The following ARHGAP39 variants were observed in gnomAD, a reference collection of about 807,000 sequenced individuals.
ARHGAP39 encodes the protein rho GTPase-activating protein 39.
Under a neutral mutation model 106.9 loss-of-function variants are expected in ARHGAP39, and 44 were observed. The observed-to-expected ratio is 0.41, with a 90% confidence interval of 0.32 to 0.53. ARHGAP39 has a LOEUF of 0.53. Ranked by LOEUF, ARHGAP39 falls within the 20% of genes least tolerant of loss-of-function variation. The pLI, the probability that ARHGAP39 is intolerant of heterozygous loss-of-function variation, is 0.21. For missense variants in ARHGAP39, 1,496 were observed against 1,577.3 expected (o/e 0.95, Z 0.87); for synonymous variants, 768 against 693.2 (o/e 1.11, Z -1.69).
At chr8:144,603,100 T>C (rs1343162648) in intron 2 of ARHGAP39, among the ~76,000 whole-genome samples, 4 of 147,190 alleles carry the variant, frequency 2.7e-5, no homozygotes, top group East Asian at 2.1e-4. Context: ...CGCGAGCTCA[T>C]GTATCTGTGT....
At chr8:144,662,216 G>T (rs114625260) in intron 1 of ARHGAP39, among the ~76,000 whole-genome samples, 2 of 142,650 alleles carry the variant, frequency 1.4e-5, no homozygotes, top group Admixed American at 1.4e-4. Context: ...GCCTTGGACC[G>T]CTCCCCCGTC....
At chr8:144,687,539 A>G (rs1402253229), upstream of ARHGAP39, among the ~76,000 whole-genome samples, 1 of 52,036 alleles carries the variant, frequency 1.9e-5, no homozygotes, top group African/African-American at 1.1e-4. Context: ...GGCGGTGAGC[A>G]CTTCCCACCC....
At chr8:144,692,285 T>C in the ARHGAP39 span, among the ~76,000 whole-genome samples, 1 of 149,906 alleles carries the variant, frequency 6.7e-6, no homozygotes. Flanking sequence ...GCCCCAGCTC[T>C]GTGGGGTCTC....
intron 2 of ARHGAP39, among the ~76,000 whole-genome samples, chr8:144,590,810 C>T (rs987373002): frequency 1.3e-5 from 2 of 152,120 alleles, no homozygotes; most frequent in Non-Finnish European, 2.9e-5. Flanking sequence ...AGCATGGAGA[C>T]CCCAGCCAGG....
intron 1 of ARHGAP39, among the ~76,000 whole-genome samples, chr8:144,623,122 G>C (rs1370232027): frequency 6.6e-6 from 1 of 152,228 alleles, no homozygotes; most frequent in Non-Finnish European, 1.5e-5. Flanking sequence ...GAATCGTTTG[G>C]AGGAGGGCAA....
chr8:144,562,416 T>A (rs1464205899), intron 3 of ARHGAP39, among the ~76,000 whole-genome samples: 3 of 150,564 alleles, frequency 2.0e-5, no homozygotes, highest in African/African-American at 4.9e-5. Context: ...GCTCCAGTGG[T>A]TTCCATCGGA....
intron 2 of ARHGAP39, among the ~76,000 whole-genome samples, chr8:144,603,405 GT>G (rs933600751): frequency 9.9e-5 from 15 of 152,088 alleles, no homozygotes; most frequent in Non-Finnish European, 1.5e-5. Flanking sequence ...TTCTAGTTTT[GT>G]GTGCTCAGGC....
chr8:144,537,606 A>G, intron 7 of ARHGAP39, 115 bp downstream of exon 7: 1 of 894,910 alleles, frequency 1.1e-6, no homozygotes. Flanking sequence ...GCCTGAGGTT[A>G]GTGGCCCCAT....
intron 3 of ARHGAP39, among the ~76,000 whole-genome samples, chr8:144,565,102 T>A (rs1818345887): frequency 6.6e-6 from 1 of 151,644 alleles, no homozygotes; most frequent in African/African-American, 2.4e-5. Flanking sequence ...AAGAGTGAAT[T>A]CCATCTCAAA....
In ARHGAP39 at chr8:144,663,668, G is replaced by A. The variant is rs932531409; in HGVS notation, c.-82+22018C>T. 4.6e-5 allele frequency among the ~76,000 whole-genome samples: 7 copies of A among 152,068 alleles called. No homozygotes were observed. In the East Asian group the frequency reaches 5.8e-4, roughly 13 times the overall value. On this transcript the variant is annotated intron_variant, in intron 1 of 11. Coordinates refer to ENST00000377307, the MANE Select transcript of ARHGAP39 (RefSeq NM_025251.3). ...CCCTCTCCAGCTACACCCATTCCCCGGGAGGCCTCCCCTAGGCTCAGGCAG... is the reference window on the plus strand; with the variant it reads ...CCCTCTCCAGCTACACCCATTCCCCAGGAGGCCTCCCCTAGGCTCAGGCAG...
chr8:144,599,567 C>G (rs562875376), intron 2 of ARHGAP39, among the ~76,000 whole-genome samples: 1 of 152,244 alleles, frequency 6.6e-6, no homozygotes, highest in South Asian at 2.1e-4. Flanking sequence ...AGAGGCCTGG[C>G]TGAATGTGCC....
At chr8:144,588,527 T>C (rs1211159419) in intron 2 of ARHGAP39, among the ~76,000 whole-genome samples, 2 of 152,186 alleles carry the variant, frequency 1.3e-5, no homozygotes, top group African/African-American at 4.8e-5. Context: ...GGGACAGAAC[T>C]GTGGGGACCG....
At chr8:144,602,158 TGTGC>T (rs1297265935) in intron 2 of ARHGAP39, among the ~76,000 whole-genome samples, 31 of 141,680 alleles carry the variant, frequency 2.2e-4, no homozygotes, top group African/African-American at 7.5e-4. Flanking sequence ...CCTGTGTGTG[TGTGC>T]GTGGAGGCGT....
At chr8:144,596,903 C>T (rs1164907353) in intron 2 of ARHGAP39, among the ~76,000 whole-genome samples, 1 of 152,228 alleles carries the variant, frequency 6.6e-6, no homozygotes, top group Non-Finnish European at 1.5e-5. Flanking sequence ...ACCTTCCCAA[C>T]TCTCCCTCCA....
chr8:144,537,627 CAG>C, intron 7 of ARHGAP39, 92 bp downstream of exon 7: 13 of 1,111,536 alleles, frequency 1.2e-5, no homozygotes, highest in South Asian at 1.4e-5. Flanking sequence ...CCCCCCCGCC[CAG>C]AAGCGGTTAG....
In ARHGAP39 at chr8:144,530,205, TGGG is replaced by T; in HGVS notation, c.*214_*216del. ...GTGCCCGCGGGAACTGGCCGTGAGGTGGGGGGCCAGAGGCGCCCTCCCCGCCGC... is the reference window on the plus strand; with the variant it reads ...GTGCCCGCGGGAACTGGCCGTGAGGTGGGCCAGAGGCGCCCTCCCCGCCGC... On this transcript the variant is annotated 3_prime_UTR_variant, in exon 12 of 12. Transcript: ENST00000377307. 1.8e-6 allele frequency: 1 copy of T among 549,390 alleles called. No individual in the cohort carries two copies. The highest frequency in any genetic ancestry group is 2.4e-5 in the South Asian group (1 of 41,218). The allele number at this position is 549,390 out of a possible 1,614,324, so 34.0% of individuals were successfully genotyped here.
At chr8:144,692,748 C>CTTTTTTTTTT in the ARHGAP39 span, among the ~76,000 whole-genome samples, 2 of 69,048 alleles carry the variant, frequency 2.9e-5, no homozygotes, top group East Asian at 4.4e-4. Context: ...TTGTAAAATT[C>CTTTTTTTTTT]TTTTTTTTTT....
chr8:144,537,905 C>T, intron 6 of ARHGAP39, 92 bp from the exon 7 acceptor site: 1 of 1,160,486 alleles, frequency 8.6e-7, no homozygotes. Context: ...GAGCAGGCCC[C>T]TGGGCCTGTT....
chr8:144,613,318 G>A (rs969850945), intron 1 of ARHGAP39, among the ~76,000 whole-genome samples: 2 of 152,138 alleles, frequency 1.3e-5, no homozygotes, highest in Admixed American at 1.3e-4. Context: ...TCAATTTTCT[G>A]TATAGATCCA....
Sources: gnomAD v4.1 joint callset for allele counts (sites outside exome capture counted in the v4.1 genomes callset) on GRCh38, gnomAD v4.1.1 for gene constraint, MANE v1.5 for transcripts, NCBI Gene and HGNC (gene_info 2026-07-23, HGNC 2026-07-21) for gene names.